The following PCDHGA1 variants were observed in gnomAD, a reference collection of about 807,000 sequenced individuals.
PCDHGA1 encodes the protein protocadherin gamma-A1.
In PCDHGA1, 32 loss-of-function variants were observed where a neutral mutation model predicts 58.0. The ratio of observed to expected loss-of-function variants is 0.55; its 90% CI spans 0.42 to 0.74. The LOEUF (loss-of-function observed/expected upper bound fraction) is 0.74, where lower values mean the gene tolerates loss of function less well. Among genes scored for constraint, PCDHGA1 ranks in the 30% least tolerant of loss-of-function variants. The pLI, the probability that PCDHGA1 is intolerant of heterozygous loss-of-function variation, is 0.00. For synonymous variants in PCDHGA1, 498 were observed against 501.1 expected (o/e 0.99, Z 0.08); for missense variants, 1,205 against 1,182.3 (o/e 1.02, Z -0.28).
At chr5:141,427,492 T>C (rs894605769) in intron 1 of PCDHGA1, 1 of 555,624 alleles carries the variant, frequency 1.8e-6, no homozygotes, top group Non-Finnish European at 3.4e-6. Context: ...TATAAGCTTG[T>C]AACAGATGGG....
At chr5:141,378,535 T>G (rs1235721694) in intron 1 of PCDHGA1, 6 of 152,092 alleles carry the variant, frequency 3.9e-5, no homozygotes, top group Admixed American at 3.9e-4. Flanking sequence ...AAAATAATAA[T>G]GATAATTAAT....
intron 1 of PCDHGA1, chr5:141,413,586 C>G (rs2095657085): frequency 2.5e-6 from 4 of 1,613,724 alleles, no homozygotes; most frequent in Admixed American, 1.7e-5. Context: ...CTCCAAAATT[C>G]CAAGCAGAAA....
chr5:141,485,358 G>A lies in PCDHGA1; in HGVS notation c.2422-9449G>A, dbSNP rs372994272. The A allele has an allele frequency of 1.2e-6, 2 of 1,614,100 alleles. No homozygotes were observed. Among genetic ancestry groups the A allele is most frequent in the Admixed American group, 3.3e-5 (2 of 60,002 alleles). ...CTGGATACGGACAGTCTGTCAGCTC[G>A]CAGGCTGCAGGTCGCTGGAGAGGTG... is the stretch of plus-strand genomic sequence containing the variant. On this transcript the variant is annotated intron_variant, in intron 1 of 3. Transcript: ENST00000517417. This position sits in a 1 kb window ranked among gnomAD's most constrained non-coding sequence, Gnocchi z 5.7.
chr5:141,403,953 T>C, intron 1 of PCDHGA1: 1 of 1,613,860 alleles, frequency 6.2e-7, no homozygotes, highest in South Asian at 1.1e-5. Flanking sequence ...ACAAAAGTGC[T>C]CATTTCGGTG....
At chr5:141,392,766 C>T (rs1196100164) in intron 1 of PCDHGA1, 1 of 1,488,966 alleles carries the variant, frequency 6.7e-7, no homozygotes. Flanking sequence ...AAATAAGACC[C>T]ATTTATGCAC....
intron 1 of PCDHGA1, among the ~76,000 whole-genome samples, chr5:141,464,426 GAT>G (rs1287556960): frequency 6.6e-6 from 1 of 151,096 alleles, no homozygotes; most frequent in African/African-American, 2.4e-5. Context: ...TATATATATA[GAT>G]ATATATGTTT....
At chr5:141,385,020 C>A (rs1780771634) in intron 1 of PCDHGA1, 7 of 1,614,168 alleles carry the variant, frequency 4.3e-6, no homozygotes, top group Non-Finnish European at 5.9e-6. Flanking sequence ...TCCTAGCCTT[C>A]GTCCTCGTAC....
At chr5:141,448,602 A>G (rs1350132402) in intron 1 of PCDHGA1, among the ~76,000 whole-genome samples, 1 of 152,154 alleles carries the variant, frequency 6.6e-6, no homozygotes, top group Non-Finnish European at 1.5e-5. Flanking sequence ...AAAATACTAT[A>G]CACCACTTTA....
intron 2 of PCDHGA1, among the ~76,000 whole-genome samples, chr5:141,495,826 A>G (rs1190417828): frequency 6.6e-6 from 1 of 150,888 alleles, no homozygotes; most frequent in African/African-American, 2.4e-5. Flanking sequence ...GTGTTCTTCT[A>G]TCCCCAGCCT....
intron 1 of PCDHGA1, chr5:141,424,783 T>C (rs1285808638): frequency 1.3e-5 from 2 of 152,212 alleles, no homozygotes; most frequent in African/African-American, 4.8e-5. Flanking sequence ...TACATTCAGT[T>C]CTTTTATTCA....
intron 1 of PCDHGA1, among the ~76,000 whole-genome samples, chr5:141,457,594 TA>T (rs1239366532): frequency 6.6e-6 from 1 of 152,250 alleles, no homozygotes; most frequent in Non-Finnish European, 1.5e-5. Flanking sequence ...TCATTTTTGG[TA>T]AAAACTAATT....
intron 1 of PCDHGA1, chr5:141,376,357 A>G: frequency 6.2e-7 from 1 of 1,614,012 alleles, no homozygotes; most frequent in Non-Finnish European, 8.5e-7. Context: ...ACGAGGTCTC[A>G]CTCACTGCAG....
Position 141,489,900 on chromosome 5 carries a change from A to T in PCDHGA1, c.2422-4907A>T. ...TTACTGCTGTGGATGGGGGGACCCC[A>T]GCCCGCTCAGGGACCACCCTTATCT... On this transcript the variant is annotated intron_variant, in intron 1 of 3. Coordinates refer to ENST00000517417, the MANE Select transcript of PCDHGA1 (RefSeq NM_018912.3). This position sits in a 1 kb window ranked among gnomAD's most constrained non-coding sequence, Gnocchi z 4.5. The T allele has an allele frequency of 6.2e-7, 1 of 1,614,254 alleles. No homozygotes were observed. The highest frequency in any genetic ancestry group is 8.5e-7 in the Non-Finnish European group (1 of 1,180,044).
At chr5:141,462,474 C>T (rs2099040477) in intron 1 of PCDHGA1, among the ~76,000 whole-genome samples, 1 of 151,994 alleles carries the variant, frequency 6.6e-6, no homozygotes, top group South Asian at 2.1e-4. Flanking sequence ...TATTCTGCTT[C>T]TCGTGGTTGT....
rs371964437 is a variant in PCDHGA1, at chr5:141,511,404, C to T, written c.*231C>T. On this transcript the variant is annotated 3_prime_UTR_variant, in exon 4 of 4. Coordinates refer to ENST00000517417, the MANE Select transcript of PCDHGA1 (RefSeq NM_018912.3). ...CCGCTGGGAACCCCCATCCAATCAA[C>T]TGCTGTACCCATGGGGGTAGTGGGG... The T allele has an allele frequency of 7.7e-5, 73 of 947,014 alleles. No individual in the cohort carries two copies. In the East Asian group the frequency reaches 1.8e-3, roughly 23 times the overall value. The allele number at this position is 947,014 out of a possible 1,614,324, so 58.7% of individuals were successfully genotyped here.
rs1264759473 is a variant in PCDHGA1 at position 141,486,183 on chromosome 5, G to A, written c.2422-8624G>A. On this transcript the variant is annotated intron_variant, in intron 1 of 3. Transcript: ENST00000517417. The surrounding 1 kb of genome is among the most constrained non-coding windows in gnomAD (Gnocchi z 5.0). The stretch of plus-strand genomic sequence containing the variant: ...GCCATGGAGCAACATTGCAGCCTTC[G>A]AGTGGATCTGCTGGACGTAAATGAC... 3 of 1,614,154 alleles carry A rather than the reference G, an allele frequency of 1.9e-6. No homozygotes were observed. The highest frequency in any genetic ancestry group is 1.1e-5 in the South Asian group (1 of 91,082).
chr5:141,399,727 G>A, intron 1 of PCDHGA1: 1 of 1,613,308 alleles, frequency 6.2e-7, no homozygotes, highest in Non-Finnish European at 8.5e-7. Context: ...CCGCGACCAG[G>A]GCTCGCCTGC....
chr5:141,366,661 C>T (rs976652914), intron 1 of PCDHGA1: 1 of 1,614,150 alleles, frequency 6.2e-7, no homozygotes, highest in Admixed American at 1.7e-5. Flanking sequence ...ACTACGCAGA[C>T]ACGCTCCTTA....
intron 1 of PCDHGA1, chr5:141,371,620 C>T (rs748176272): frequency 1.9e-6 from 3 of 1,613,992 alleles, no homozygotes; most frequent in East Asian, 2.2e-5. Context: ...ACAGATGGAG[C>T]CCTGGACCGG....
Sources: allele counts gnomAD v4.1 joint callset (sites outside exome capture counted in the v4.1 genomes callset), GRCh38; gene constraint gnomAD v4.1.1; non-coding constraint Gnocchi (gnomAD v3.1); transcripts MANE v1.5; gene names NCBI Gene and HGNC (gene_info 2026-07-23, HGNC 2026-07-21).